SATB2: variants seen among roughly 807,000 people sequenced by gnomAD.
The protein encoded by SATB2 is SATB homeobox 2, also known as DNA-binding protein SATB2.
A neutral mutation model predicts 73.4 loss-of-function variants in SATB2; 1 was observed. The ratio of observed to expected loss-of-function variants is 0.01; its 90% CI spans 0.00 to 0.06. SATB2 has a LOEUF of 0.06. Ranked by LOEUF, SATB2 falls within the 10% of genes least tolerant of loss-of-function variation. The pLI is 1.00. For missense variants in SATB2, 459 were observed against 945.8 expected, an observed-to-expected ratio of 0.49 and a Z score of 6.75; for synonymous variants, 397 against 367.0, an observed-to-expected ratio of 1.08 and a Z score of -0.93.
intron 10 of SATB2, among the ~76,000 whole-genome samples, chr2:199,299,560 G>A (rs1438444852): frequency 1.3e-5 from 2 of 152,158 alleles, no homozygotes; most frequent in Admixed American, 6.6e-5. Flanking sequence ...AAGGTAGCCA[G>A]AGGGAAAATG....
chr2:199,375,578 CAAGA>C (rs1343911353), intron 5 of SATB2, among the ~76,000 whole-genome samples: 1 of 152,168 alleles, frequency 6.6e-6, no homozygotes, highest in Non-Finnish European at 1.5e-5. Context: ...CTGGGGTGTT[CAAGA>C]AAGTATGAAC....
rs918491420 is a variant in SATB2, at chr2:199,270,204, C to T, written c.*2007G>A. ...CATCCTTTTGCAAAGGTATATGACG[C>T]TTATGTCAAGATAATTTTTAAACAT... On this transcript the variant is annotated 3_prime_UTR_variant, in exon 11 of 11. Transcript: ENST00000417098. 2 of 152,774 alleles carry T rather than the reference C, an allele frequency of 1.3e-5. No individual in the cohort carries two copies. Among genetic ancestry groups the T allele is most frequent in the African/African-American group, 2.4e-5 (1 of 41,550 alleles). 9.5% of individuals were successfully genotyped at this position (152,774 alleles called of 1,614,324 possible).
intron 3 of SATB2, among the ~76,000 whole-genome samples, chr2:199,408,324 A>G (rs982443450): frequency 1.3e-5 from 2 of 152,200 alleles, no homozygotes; most frequent in Non-Finnish European, 2.9e-5. Context: ...AAAATTATAT[A>G]TGTATACACA....
At chr2:199,377,115 G>A (rs548252670) in intron 5 of SATB2, among the ~76,000 whole-genome samples, 10 of 152,268 alleles carry the variant, frequency 6.6e-5, no homozygotes, top group Admixed American at 2.6e-4. Context: ...AGTGGCTCAC[G>A]CCTATAATCC....
chr2:199,296,268 T>C (rs1231156624), intron 10 of SATB2, among the ~76,000 whole-genome samples: 1 of 152,202 alleles, frequency 6.6e-6, no homozygotes, highest in Non-Finnish European at 1.5e-5. Context: ...GTTGTTGTTG[T>C]TTATATTTTG....
chr2:199,357,859 A>G lies in SATB2; in HGVS notation c.701-8686T>C, dbSNP rs190578019. 3.6e-4 allele frequency among the ~76,000 whole-genome samples: 55 copies of G among 152,286 alleles called. No homozygotes were observed. The Middle Eastern group carries it at 0.01, about 28-fold the overall frequency. ...AGCAGAGAGCTTTCTCAGGTACCCT[A>G]TAAATTCTATAAATAGAAATTATTT... On this transcript the variant is annotated intron_variant, in intron 6 of 10. Coordinates refer to ENST00000417098, the MANE Select transcript of SATB2 (RefSeq NM_001172509.2).
At chr2:199,405,798 G>A (rs1451124588) in intron 3 of SATB2, among the ~76,000 whole-genome samples, 3 of 151,422 alleles carry the variant, frequency 2.0e-5, no homozygotes, top group Non-Finnish European at 2.9e-5. Flanking sequence ...AAAAAAAAAA[G>A]AAATAAAAAA....
chr2:199,401,199 G>C (rs1413430298), intron 3 of SATB2, among the ~76,000 whole-genome samples: 1 of 152,070 alleles, frequency 6.6e-6, no homozygotes, highest in Non-Finnish European at 1.5e-5. Context: ...GGTCTACTTA[G>C]TCTCACCAAT....
At chr2:199,395,291 T>C (rs1690265636) in intron 3 of SATB2, among the ~76,000 whole-genome samples, 2 of 152,210 alleles carry the variant, frequency 1.3e-5, no homozygotes, top group South Asian at 4.1e-4. Context: ...TATTATTATG[T>C]TGCTACACTA....
chr2:199,324,392 C>G, intron 8 of SATB2, among the ~76,000 whole-genome samples: 1 of 152,098 alleles, frequency 6.6e-6, no homozygotes, highest in East Asian at 1.9e-4. Context: ...CAATTTAATG[C>G]ACTCCCAAGT....
At chr2:199,295,933 C>T (rs1383013438) in intron 10 of SATB2, among the ~76,000 whole-genome samples, 1 of 152,110 alleles carries the variant, frequency 6.6e-6, no homozygotes, top group Non-Finnish European at 1.5e-5. Context: ...TGGCAGTTTT[C>T]CTTTAATTGA....
intron 5 of SATB2, 143 bp from the exon 6 acceptor site, chr2:199,368,850 T>A (rs975297144): frequency 8.5e-6 from 5 of 587,490 alleles, no homozygotes; most frequent in Admixed American, 5.9e-5. Flanking sequence ...ACTATTAACA[T>A]CAAACACGAT....
rs1692553877 is a variant in SATB2, at chr2:199,464,533, C to T, written c.-141+303G>A. Among the ~76,000 whole-genome samples, 1 of 152,130 alleles carries T rather than the reference C, an allele frequency of 6.6e-6. No homozygotes were observed. Among genetic ancestry groups the T allele is most frequent in the East Asian group, 1.9e-4 (1 of 5,176 alleles). On this transcript the variant is annotated intron_variant, in intron 1 of 11. Transcript: ENST00000260926. This position sits in a 1 kb window ranked among gnomAD's most constrained non-coding sequence, Gnocchi z 6.6. Reference sequence around the variant, plus strand: ...GGTGCCCACCCAATTGCAAAGCTCCCAGACCCACACAAAACACTAGCGAGC... The same window carrying T: ...GGTGCCCACCCAATTGCAAAGCTCCTAGACCCACACAAAACACTAGCGAGC...
intron 3 of SATB2, among the ~76,000 whole-genome samples, chr2:199,399,283 A>T (rs1690396955): frequency 6.6e-6 from 1 of 152,150 alleles, no homozygotes; most frequent in Non-Finnish European, 1.5e-5. Context: ...GAAAAATAAA[A>T]TTTAATTTAA....
chr2:199,300,097 G>A (rs1045205387), intron 10 of SATB2, among the ~76,000 whole-genome samples: 9 of 151,476 alleles, frequency 5.9e-5, no homozygotes, highest in Admixed American at 5.9e-4. Context: ...TTCACAAAAT[G>A]TACTAGTCAC....
intron 9 of SATB2, among the ~76,000 whole-genome samples, chr2:199,312,556 T>C (rs984598329): frequency 6.6e-6 from 1 of 152,176 alleles, no homozygotes; most frequent in African/African-American, 2.4e-5. Context: ...GGGCAAATAG[T>C]TACACTGTTC....
upstream of SATB2, among the ~76,000 whole-genome samples, chr2:199,459,135 G>C (rs1692398691): frequency 6.6e-6 from 1 of 152,022 alleles, no homozygotes; most frequent in South Asian, 2.1e-4. This position sits in a 1 kb window ranked among gnomAD's most constrained non-coding sequence, Gnocchi z 4.2. Flanking sequence ...GGGCGGTGGG[G>C]CTGCCTGTCC....
In SATB2 at chr2:199,381,451, C is replaced by T. The variant is rs370111055; in HGVS notation, c.473+243G>A. Among the ~76,000 whole-genome samples the T allele has an allele frequency of 7.2e-4, 110 of 152,280 alleles. 2 individuals carry two copies. Among genetic ancestry groups the T allele is most frequent in the South Asian group, 4.8e-3 (23 of 4,822 alleles). On this transcript the variant is annotated intron_variant, in intron 4 of 10. Coordinates refer to ENST00000417098, the MANE Select transcript of SATB2 (RefSeq NM_001172509.2). ...ATAGATTTTTAATGATTTGTCAAGC[C>T]GCCCCTAGGTTACCACTTCACTGCT... is the stretch of plus-strand genomic sequence containing the variant.
intron 10 of SATB2, among the ~76,000 whole-genome samples, chr2:199,282,082 C>A (rs559381776): frequency 1.8e-4 from 27 of 152,128 alleles, no homozygotes; most frequent in African/African-American, 6.5e-4. Context: ...AGTGTTTCAC[C>A]ATGTTAGCCA....
Sources: allele counts gnomAD v4.1 joint callset (sites outside exome capture counted in the v4.1 genomes callset), GRCh38; gene constraint gnomAD v4.1.1; non-coding constraint Gnocchi (gnomAD v3.1); transcripts MANE v1.5; gene names NCBI Gene and HGNC (gene_info 2026-07-23, HGNC 2026-07-21).